ASCC3: variants seen among roughly 807,000 people sequenced by gnomAD.
ASCC3 encodes activating signal cointegrator 1 complex subunit 3.
In ASCC3, 158 loss-of-function variants were observed where a neutral mutation model predicts 256.3. The observed-to-expected ratio is 0.62, with a 90% CI of 0.54 to 0.70. ASCC3 has a LOEUF of 0.70. ASCC3 is among the 30% of genes least tolerant of loss of function. ASCC3 has a pLI of 0.00. For synonymous variants in ASCC3, 948 were observed against 883.4 expected (o/e 1.07, Z -1.30); for missense variants, 2,259 against 2,626.0 (o/e 0.86, Z 3.05).
rs1458157185 is a variant in ASCC3 at position 100,661,823 on chromosome 6, C to T, written c.2686G>A (p.Asp896Asn). 1.2e-6 allele frequency: 2 copies of T among 1,613,106 alleles called. No homozygotes were observed. The highest frequency in any genetic ancestry group is 4.5e-5 in the East Asian group (2 of 44,844). Residue 896 changes from aspartate (D) to asparagine (N), a missense_variant, in exon 16 of 42, where the codon GAT (aspartate) becomes AAT (asparagine). Asp to Asn is a conservative substitution (Grantham distance 23). This residue lies in a region of ASCC3 where 1,839 missense variants were observed against 2,206.7 expected (regional missense o/e 0.83). Coordinates refer to ENST00000369162, the MANE Select transcript of ASCC3 (RefSeq NM_006828.4). The stretch of plus-strand genomic sequence containing the variant: ...GATCTTACCTCTGCATTTAGGTTAT[C>T]TGCAAGGCTTTCCAGAAACTGACTC... ...IESQFLESLA[D>N]NLNAEIALGT...
At chr6:100,552,140 A>C (rs1285979965) in intron 36 of ASCC3, among the ~76,000 whole-genome samples, 3 of 151,286 alleles carry the variant, frequency 2.0e-5, no homozygotes, top group Non-Finnish European at 4.4e-5. Flanking sequence ...GTTAGAAATA[A>C]TAATAATAAA....
At chr6:100,812,742 C>A (rs986130329) in intron 4 of ASCC3, among the ~76,000 whole-genome samples, 10 of 152,062 alleles carry the variant, frequency 6.6e-5, no homozygotes, top group African/African-American at 2.4e-4. Context: ...CCAGCCTGGG[C>A]AACATAGCAA....
intron 26 of ASCC3, among the ~76,000 whole-genome samples, chr6:100,630,243 T>C (rs1774467979): frequency 6.6e-6 from 1 of 152,098 alleles, no homozygotes; most frequent in South Asian, 2.1e-4. Flanking sequence ...AGGGCAAAAT[T>C]TGTTCCTCTA....
chr6:100,527,582 C>T (rs777142001), intron 37 of ASCC3, among the ~76,000 whole-genome samples: 8 of 152,128 alleles, frequency 5.3e-5, no homozygotes, highest in African/African-American at 1.2e-4. Flanking sequence ...TGCATCTATA[C>T]GTAAACACTC....
chr6:100,653,500 T>C (rs12183204), intron 17 of ASCC3, among the ~76,000 whole-genome samples: 4,541 of 151,714 alleles, frequency 0.03, 76 homozygotes, highest in African/African-American at 0.054. Flanking sequence ...TAGCTGGGTA[T>C]GGTGGTGCGC....
At chr6:100,826,330 A>G (rs1274324795) in intron 4 of ASCC3, among the ~76,000 whole-genome samples, 1 of 151,978 alleles carries the variant, frequency 6.6e-6, no homozygotes, top group Admixed American at 6.6e-5. Context: ...ACGGGGTTTC[A>G]CCATATTGGC....
chr6:100,714,408 T>C (rs1778994752), intron 13 of ASCC3, among the ~76,000 whole-genome samples: 1 of 152,112 alleles, frequency 6.6e-6, no homozygotes, highest in Non-Finnish European at 1.5e-5. Flanking sequence ...ATAAAATAAA[T>C]GCAAAGAAAG....
At chr6:100,703,196 C>T (rs1220403814) in intron 13 of ASCC3, among the ~76,000 whole-genome samples, 2 of 151,834 alleles carry the variant, frequency 1.3e-5, no homozygotes, top group African/African-American at 4.8e-5. Context: ...AAAAAGTAAA[C>T]ACAAAAATAA....
chr6:100,825,703 A>G (rs1301057779), intron 4 of ASCC3, among the ~76,000 whole-genome samples: 1 of 152,154 alleles, frequency 6.6e-6, no homozygotes, highest in African/African-American at 2.4e-5. Flanking sequence ...GTGTTATCCA[A>G]CTTGGTTCCA....
chr6:100,805,953 A>G, intron 4 of ASCC3, 73 bp from the exon 5 acceptor site: 2 of 1,471,376 alleles, frequency 1.4e-6, no homozygotes, highest in Non-Finnish European at 1.9e-6. Context: ...TTAACAACCT[A>G]TTCAACAGAG....
intron 4 of ASCC3, among the ~76,000 whole-genome samples, chr6:100,838,118 G>A (rs1771966238): frequency 5.9e-5 from 9 of 151,926 alleles, no homozygotes; most frequent in Admixed American, 5.2e-4. Context: ...GTAATAAACA[G>A]CATACATTAT....
chr6:100,819,691 C>T (rs1208455864), intron 4 of ASCC3, among the ~76,000 whole-genome samples: 1 of 152,160 alleles, frequency 6.6e-6, no homozygotes, highest in Non-Finnish European at 1.5e-5. Context: ...AAGACTCAGC[C>T]AGTCTAGTCT....
At chr6:100,654,995 G>A (rs1352494814) in intron 17 of ASCC3, among the ~76,000 whole-genome samples, 2 of 151,876 alleles carry the variant, frequency 1.3e-5, no homozygotes, top group African/African-American at 4.8e-5. Flanking sequence ...TACAAATTTT[G>A]ACTTAATACT....
chr6:100,594,713 T>C (rs1772192367), intron 34 of ASCC3, among the ~76,000 whole-genome samples: 1 of 152,084 alleles, frequency 6.6e-6, no homozygotes, highest in Non-Finnish European at 1.5e-5. Context: ...AATCAGTATG[T>C]TGAAGAGACG....
At chr6:100,661,743 A>G (rs1395196461) in intron 16 of ASCC3, 63 bp downstream of exon 16, 3 of 1,529,494 alleles carry the variant, frequency 2.0e-6, no homozygotes, top group Admixed American at 1.7e-5. Flanking sequence ...CTCAATCTTC[A>G]TCTTTCTTGG....
chr6:100,851,834 G>A (rs569697443), intron 3 of ASCC3, among the ~76,000 whole-genome samples: 3 of 152,164 alleles, frequency 2.0e-5, no homozygotes, highest in South Asian at 4.1e-4. Flanking sequence ...TAATGACTAC[G>A]GCATTCTGAA....
chr6:100,583,408 G>A (rs1028796042), intron 36 of ASCC3, among the ~76,000 whole-genome samples: 2 of 152,098 alleles, frequency 1.3e-5, no homozygotes, highest in South Asian at 2.1e-4. Context: ...TGGTAGTGTT[G>A]TATTTCTGTG....
At chr6:100,622,652 CA>C (rs1176130925) in intron 30 of ASCC3, among the ~76,000 whole-genome samples, 1 of 151,358 alleles carries the variant, frequency 6.6e-6, no homozygotes, top group African/African-American at 2.4e-5. Context: ...AAAAATAATA[CA>C]ATTATAACAA....
At chr6:100,843,994 A>C (rs1043384365) in intron 4 of ASCC3, among the ~76,000 whole-genome samples, 11 of 151,708 alleles carry the variant, frequency 7.3e-5, no homozygotes, top group Admixed American at 4.0e-4. Flanking sequence ...AACACTGTGA[A>C]GCAAATATTT....
Sources: gnomAD v4.1 joint callset for allele counts (sites outside exome capture counted in the v4.1 genomes callset) on GRCh38, gnomAD v4.1.1 for gene constraint, gnomAD v4.1.1 regional missense constraint, MANE v1.5 for transcripts, NCBI Gene and HGNC (gene_info 2026-07-23, HGNC 2026-07-21) for gene names.